Variants in HLCS observed in about 807,000 individuals in gnomAD.
HLCS encodes the protein holocarboxylase synthetase.
A neutral mutation model predicts 75.0 loss-of-function variants in HLCS; 53 were observed. The observed-to-expected ratio is 0.71, with a 90% CI of 0.57 to 0.89. The LOEUF (loss-of-function observed/expected upper bound fraction) is 0.89, where lower values mean the gene tolerates loss of function less well. Ranked by LOEUF, HLCS falls within the 40% of genes least tolerant of loss-of-function variation. The pLI, the probability that HLCS is intolerant of heterozygous loss-of-function variation, is 0.00. For synonymous variants in HLCS, 431 were observed against 428.6 expected (o/e 1.01, Z -0.07); for missense variants, 966 against 1,074.0 (o/e 0.90, Z 1.41).
rs113906652 is a variant in HLCS at position 36,780,764 on chromosome 21, A to G, written c.1893-13479T>C. Among the ~76,000 whole-genome samples the G allele has an allele frequency of 5.4e-3, 819 of 152,262 alleles. 7 individuals carry two copies. The highest frequency in any genetic ancestry group is 0.018 in the African/African-American group (756 of 41,536). On this transcript the variant is annotated intron_variant, in intron 6 of 10. Transcript: ENST00000674895. ...ATTCTGCCAGAACCCCCACTACTGCACACAGCCGCGCAGAGATACCTGTTT... is the reference window on the plus strand; with the variant it reads ...ATTCTGCCAGAACCCCCACTACTGCGCACAGCCGCGCAGAGATACCTGTTT...
At chr21:36,893,091 A>C (rs952437014) in intron 6 of HLCS, among the ~76,000 whole-genome samples, 7 of 151,952 alleles carry the variant, frequency 4.6e-5, no homozygotes, top group Admixed American at 6.6e-5. Flanking sequence ...TTTTTTTGAG[A>C]TGGGAGTCTT....
chr21:36,891,524 A>G (rs1246517320), intron 6 of HLCS, among the ~76,000 whole-genome samples: 4 of 152,172 alleles, frequency 2.6e-5, no homozygotes, highest in Non-Finnish European at 5.9e-5. Flanking sequence ...GCAGAGGATC[A>G]CTGGCAAAGA....
intron 2 of HLCS, among the ~76,000 whole-genome samples, chr21:36,944,968 A>G (rs917336207): frequency 6.6e-6 from 1 of 152,058 alleles, no homozygotes; most frequent in Non-Finnish European, 1.5e-5. Flanking sequence ...AAAATACAAA[A>G]AATTAGCCAG....
At chr21:36,770,107 T>C (rs2090178698) in intron 6 of HLCS, among the ~76,000 whole-genome samples, 1 of 151,218 alleles carries the variant, frequency 6.6e-6, no homozygotes, top group Admixed American at 6.6e-5. Context: ...CATTGGTATG[T>C]CAAATTAAAA....
At chr21:36,875,108 G>GT (rs1258383368) in intron 6 of HLCS, among the ~76,000 whole-genome samples, 1 of 152,056 alleles carries the variant, frequency 6.6e-6, no homozygotes, top group Non-Finnish European at 1.5e-5. Context: ...AGGACTAAGC[G>GT]TGACTTTGTA....
chr21:36,914,874 G>T (rs1050485224), intron 5 of HLCS, among the ~76,000 whole-genome samples: 1 of 152,320 alleles, frequency 6.6e-6, no homozygotes, highest in African/African-American at 2.4e-5. Context: ...GAAAACGCCC[G>T]CCATTTGTCT....
At chr21:36,780,294 G>C (rs540381772) in intron 6 of HLCS, among the ~76,000 whole-genome samples, 1 of 152,142 alleles carries the variant, frequency 6.6e-6, no homozygotes, top group African/African-American at 2.4e-5. Context: ...CCAGGCTGGA[G>C]TGCAGTGGCG....
At chr21:36,856,787 G>A (rs779335822) in intron 6 of HLCS, among the ~76,000 whole-genome samples, 2 of 152,148 alleles carry the variant, frequency 1.3e-5, no homozygotes, top group Non-Finnish European at 2.9e-5. Flanking sequence ...AAGTTATGAG[G>A]CGGGTATGAG....
intron 6 of HLCS, among the ~76,000 whole-genome samples, chr21:36,878,025 T>C (rs1441603729): frequency 6.6e-6 from 1 of 152,136 alleles, no homozygotes; most frequent in Admixed American, 6.5e-5. Flanking sequence ...TTTTAATCTT[T>C]GGTCTGCAGC....
intron 1 of HLCS, among the ~76,000 whole-genome samples, chr21:36,989,938 T>G (rs1261928598): frequency 6.6e-6 from 1 of 151,946 alleles, no homozygotes; most frequent in East Asian, 1.9e-4. Flanking sequence ...CGCGCTGCCC[T>G]GGGCCGCGAG....
At chr21:36,910,079 T>C (rs1489370860) in intron 5 of HLCS, among the ~76,000 whole-genome samples, 3 of 152,214 alleles carry the variant, frequency 2.0e-5, no homozygotes, top group Non-Finnish European at 4.4e-5. Context: ...TAAAACACTT[T>C]CAAGGAAGCA....
intron 2 of HLCS, among the ~76,000 whole-genome samples, chr21:36,954,455 A>C (rs2067824513): frequency 6.6e-6 from 1 of 151,526 alleles, no homozygotes; most frequent in African/African-American, 2.4e-5. Flanking sequence ...TCTACTAAAA[A>C]AATACAAAAA....
chr21:36,925,248 C>T (rs2245349), intron 5 of HLCS, among the ~76,000 whole-genome samples: 67,182 of 151,880 alleles, frequency 0.44, 15,125 homozygotes, highest in Middle Eastern at 0.54. Flanking sequence ...AGTAACAAAC[C>T]CAGTTGTCAC....
chr21:36,791,106 C>T (rs549279238), intron 6 of HLCS, among the ~76,000 whole-genome samples: 2 of 152,278 alleles, frequency 1.3e-5, no homozygotes, highest in South Asian at 2.1e-4. Context: ...AAAAAAACAG[C>T]AACATATAGG....
intron 6 of HLCS, among the ~76,000 whole-genome samples, chr21:36,820,873 A>ATT (rs2061818968): frequency 1.3e-5 from 2 of 152,144 alleles, no homozygotes; most frequent in African/African-American, 4.8e-5. Context: ...GCACGGAAAA[A>ATT]CCAGAAGTCA....
At chr21:36,938,174 T>C (rs1310950939) in intron 3 of HLCS, among the ~76,000 whole-genome samples, 7 of 152,228 alleles carry the variant, frequency 4.6e-5, no homozygotes, top group South Asian at 2.1e-4. Context: ...TAGAACTTCA[T>C]AGTAACACTA....
chr21:36,820,421 C>T (rs1376934598), intron 6 of HLCS, among the ~76,000 whole-genome samples: 3 of 152,248 alleles, frequency 2.0e-5, no homozygotes, highest in Admixed American at 6.5e-5. Context: ...CAGGAAGCCC[C>T]CCTCCCCCAC....
intron 5 of HLCS, among the ~76,000 whole-genome samples, chr21:36,910,759 T>C (rs2065669662): frequency 6.6e-6 from 1 of 152,150 alleles, no homozygotes; most frequent in Non-Finnish European, 1.5e-5. Flanking sequence ...ATGCGGCAGC[T>C]TCTGTCTAGC....
At chr21:36,988,300 A>T (rs2069266764) in intron 1 of HLCS, among the ~76,000 whole-genome samples, 1 of 152,080 alleles carries the variant, frequency 6.6e-6, no homozygotes, top group Admixed American at 6.5e-5. Flanking sequence ...TTCACACAAA[A>T]AGTAGCCTAA....
Sources: gnomAD v4.1 joint callset for allele counts (sites outside exome capture counted in the v4.1 genomes callset) on GRCh38, gnomAD v4.1.1 for gene constraint, MANE v1.5 for transcripts, NCBI Gene and HGNC (gene_info 2026-07-23, HGNC 2026-07-21) for gene names.